Variants in TRIT1 observed in about 807,000 individuals in gnomAD.
The protein encoded by TRIT1 is tRNA dimethylallyltransferase.
In TRIT1, 43 loss-of-function variants were observed where a neutral mutation model predicts 51.2. The ratio of observed to expected loss-of-function variants is 0.84; its 90% CI spans 0.66 to 1.08. TRIT1 has a LOEUF of 1.08. TRIT1 is among the 50% of genes least tolerant of loss of function. The pLI is 0.00. For missense variants in TRIT1, 528 were observed against 578.4 expected (o/e 0.91, Z 0.89); for synonymous variants, 184 against 203.9 (o/e 0.90, Z 0.83).
chr1:39,864,042 C>T (rs1469593300), intron 1 of TRIT1, among the ~76,000 whole-genome samples: 1 of 151,978 alleles, frequency 6.6e-6, no homozygotes, highest in East Asian at 1.9e-4. Flanking sequence ...TAGGTACCTG[C>T]CACCACGCCT....
chr1:39,851,683 C>T (rs535697429), intron 4 of TRIT1, among the ~76,000 whole-genome samples: 5 of 152,198 alleles, frequency 3.3e-5, no homozygotes, highest in Admixed American at 6.5e-5. Flanking sequence ...TGGCTCATGA[C>T]TATAATCCCA....
chr1:39,869,793 C>A (rs1643780411), intron 1 of TRIT1, among the ~76,000 whole-genome samples: 1 of 151,828 alleles, frequency 6.6e-6, no homozygotes. Context: ...CTCTGCCCGG[C>A]CGCCCCGTCT....
intron 5 of TRIT1, among the ~76,000 whole-genome samples, 189 bp downstream of exon 5, chr1:39,849,929 TC>T (rs1466538342): frequency 2.6e-5 from 4 of 152,196 alleles, no homozygotes; most frequent in Admixed American, 2.0e-4. Flanking sequence ...TTTCTCCCTT[TC>T]CAAACAGATA....
intron 1 of TRIT1, among the ~76,000 whole-genome samples, chr1:39,881,227 CA>C (rs56205358): frequency 0.29 from 23,580 of 80,136 alleles, 1,646 homozygotes; most frequent in East Asian, 0.39. Context: ...ACTCTGTCTC[CA>C]AAAAAAAAAA....
intron 8 of TRIT1, among the ~76,000 whole-genome samples, chr1:39,846,671 G>A (rs1488235988): frequency 6.6e-6 from 1 of 152,140 alleles, no homozygotes; most frequent in Non-Finnish European, 1.5e-5. Context: ...AATAATATAT[G>A]TATAACACCA....
At chr1:39,844,431 T>C (rs1225445839) in intron 9 of TRIT1, 100 bp downstream of exon 9, 4 of 1,022,506 alleles carry the variant, frequency 3.9e-6, no homozygotes, top group African/African-American at 1.6e-5. Flanking sequence ...CTTTATTCTA[T>C]GGAAAAGAAG....
chr1:39,845,377 T>TA (rs1242142711), intron 8 of TRIT1, among the ~76,000 whole-genome samples: 1 of 152,244 alleles, frequency 6.6e-6, no homozygotes, highest in African/African-American at 2.4e-5. Flanking sequence ...CTTCCCTGCC[T>TA]ATATACACAC....
At chr1:39,865,671 C>CAAAAAA (rs142393332) in intron 1 of TRIT1, among the ~76,000 whole-genome samples, 75 of 68,116 alleles carry the variant, frequency 1.1e-3, no homozygotes, top group Non-Finnish European at 1.6e-3. Flanking sequence ...TCTGTCTCTA[C>CAAAAAA]AAAAAAAAAA....
chr1:39,876,921 C>T (rs1045544702), intron 1 of TRIT1, among the ~76,000 whole-genome samples: 6 of 143,440 alleles, frequency 4.2e-5, no homozygotes, highest in African/African-American at 1.6e-4. Context: ...CAGCAAGACT[C>T]CATCTCAAAA....
intron 4 of TRIT1, among the ~76,000 whole-genome samples, chr1:39,851,792 T>A (rs557840041): frequency 2.4e-4 from 36 of 151,104 alleles, no homozygotes; most frequent in Admixed American, 9.2e-4. Flanking sequence ...ATTAAAAATT[T>A]AAAAAACTAG....
chr1:39,852,933 G>A (rs961385556), intron 3 of TRIT1, 57 bp from the exon 4 acceptor site: 67 of 1,577,340 alleles, frequency 4.2e-5, no homozygotes, highest in Non-Finnish European at 4.9e-5. Context: ...GACAGTGTAT[G>A]TGCCAGGCAC....
intron 5 of TRIT1, 88 bp from the exon 6 acceptor site, chr1:39,848,185 A>G: frequency 2.2e-6 from 2 of 905,624 alleles, no homozygotes; most frequent in Non-Finnish European, 3.6e-6. Flanking sequence ...GGTCACAAAA[A>G]AAGAGAATTT....
At chr1:39,882,051 A>T (rs186134012) in intron 1 of TRIT1, among the ~76,000 whole-genome samples, 1 of 152,298 alleles carries the variant, frequency 6.6e-6, no homozygotes, top group Non-Finnish European at 1.5e-5. Context: ...CACATACTTT[A>T]TCTCATTTAA....
At chr1:39,879,210 A>G (rs939079832) in intron 1 of TRIT1, among the ~76,000 whole-genome samples, 1 of 152,066 alleles carries the variant, frequency 6.6e-6, no homozygotes, top group African/African-American at 2.4e-5. Context: ...CAGAGGTTGC[A>G]GTGAGCCAAG....
At chr1:39,878,707 T>C (rs1363701032) in intron 1 of TRIT1, among the ~76,000 whole-genome samples, 1 of 152,232 alleles carries the variant, frequency 6.6e-6, no homozygotes, top group African/African-American at 2.4e-5. Flanking sequence ...TACTGTTCTG[T>C]CTAGGCTCTC....
At chr1:39,850,088 G>C in intron 5 of TRIT1, 31 bp downstream of exon 5, 6 of 1,610,930 alleles carry the variant, frequency 3.7e-6, no homozygotes, top group Non-Finnish European at 4.2e-6. Flanking sequence ...TTCCATCACA[G>C]ATGGACTCTA....
chr1:39,845,732 G>A (rs558223089), intron 8 of TRIT1, among the ~76,000 whole-genome samples: 1 of 152,362 alleles, frequency 6.6e-6, no homozygotes, highest in Admixed American at 6.5e-5. Flanking sequence ...GCTCCCAGCT[G>A]CTATTTCTGG....
chr1:39,847,746 A>G, intron 6 of TRIT1, 86 bp from the exon 7 acceptor site: 4 of 1,597,506 alleles, frequency 2.5e-6, no homozygotes, highest in Non-Finnish European at 3.4e-6. Flanking sequence ...GAGCCATTTC[A>G]TCTGTCAGAT....
In TRIT1 at chr1:39,848,062, T is replaced by C. The variant is rs750744539; in HGVS notation, c.739A>G (p.Met247Val). ...TCCTCCAAGAGCCCAGCAGCAAGCA[T>C]GTCATCCACCCTCTTATCCAAGCGC... ...DERLDKRVDD[M>V]LAAGLLEELR... Residue 247 changes from methionine (M) to valine (V), a missense_variant, in exon 6 of 11, where the codon ATG becomes GTG. Coordinates refer to ENST00000316891, the MANE Select transcript of TRIT1 (RefSeq NM_017646.6). 2 of 1,614,180 alleles carry C rather than the reference T, an allele frequency of 1.2e-6. No homozygotes were observed. Among genetic ancestry groups the C allele is most frequent in the South Asian group, 1.1e-5 (1 of 91,080 alleles).
Sources: gnomAD v4.1 joint callset for allele counts (sites outside exome capture counted in the v4.1 genomes callset) on GRCh38, gnomAD v4.1.1 for gene constraint, MANE v1.5 for transcripts, NCBI Gene and HGNC (gene_info 2026-07-23, HGNC 2026-07-21) for gene names.